Variants in WFS1 observed in about 807,000 individuals in gnomAD.
The protein encoded by WFS1 is wolframin.
WFS1 carries 90 observed loss-of-function variants against 68.5 expected under a neutral mutation model. The observed-to-expected ratio is 1.31, with a 90% CI of 1.11 to 1.56. The LOEUF (loss-of-function observed/expected upper bound fraction) is 1.56, where lower values mean the gene tolerates loss of function less well. Among genes scored for constraint, WFS1 ranks in the 40% most tolerant of loss-of-function variants. The probability of loss-of-function intolerance (pLI) is 0.00; values close to 1 mark genes in which losing one functional copy is unlikely to be tolerated. For synonymous variants in WFS1, 860 were observed against 540.7 expected (o/e 1.59, Z -8.19); for missense variants, 1,767 against 1,232.6 (o/e 1.43, Z -6.49).
In WFS1 at chr4:6,295,144, C is replaced by G; in HGVS notation, c.816C>G (p.Asp272Glu). ...SLFLQDDEDD[D>E]ELAGKSPEDL... ...TCCTGCAGGACGACGAAGATGATGA[C>G]GAGCTGGCGGGGAAGAGCCCTGAGG... Residue 272 changes from aspartate to glutamate, a missense_variant, in exon 7 of 8, where the codon GAC becomes GAG. By Grantham distance (45) the Asp-to-Glu change is conservative (BLOSUM62 2). Transcript: ENST00000226760. The G allele has an allele frequency of 6.2e-7, 1 of 1,612,794 alleles. No homozygotes were observed. Among genetic ancestry groups the G allele is most frequent in the Non-Finnish European group, 8.5e-7 (1 of 1,180,026 alleles).
intron 2 of WFS1, 136 bp downstream of exon 2, chr4:6,277,823 C>T (rs1730044371): frequency 2.8e-6 from 3 of 1,060,154 alleles, no homozygotes; most frequent in Non-Finnish European, 4.2e-6. Flanking sequence ...ATGCTGTGCA[C>T]AGGCGTCCAT....
At position 6,299,352 on chromosome 4, in the gene WFS1, C is replaced by T. The variant is rs115242414; in HGVS notation, c.862-1305C>T. Among the ~76,000 whole-genome samples the T allele has an allele frequency of 2.5e-3, 388 of 152,280 alleles. 2 individuals are homozygous for T. Among genetic ancestry groups the T allele is most frequent in the Non-Finnish European group, 4.6e-3 (310 of 68,024 alleles). The stretch of plus-strand genomic sequence containing the variant: ...TAGCGCTGCATGCAGAGCAGGGGAG[C>T]AGGACCCACAGGTCGGGGGAAGGCA... On this transcript the variant is annotated intron_variant, in intron 7 of 7. Coordinates refer to ENST00000226760, the MANE Select transcript of WFS1 (RefSeq NM_006005.3).
Position 6,302,385 on chromosome 4 carries a change from G to T in WFS1, c.2590G>T (p.Glu864Ter). ...LSPTRRHVKI[E>*]HDWRSTVHGA... ...ACCCACCAGGCGGCACGTGAAGATC[G>T]AGCACGACTGGCGCAGCACCGTGCA... The change falls in exon 8 of 8, where the codon GAG becomes TAG. Residue 864 changes from glutamate to a stop codon, truncating the protein, a stop_gained. Transcript: ENST00000226760. LOFTEE classifies it high-confidence loss of function. 1 of 1,613,000 alleles carries T rather than the reference G, an allele frequency of 6.2e-7. No homozygotes were observed.
intron 1 of WFS1, among the ~76,000 whole-genome samples, chr4:6,276,486 G>C (rs773790583): frequency 2.0e-5 from 3 of 152,156 alleles, no homozygotes; most frequent in African/African-American, 7.2e-5. Flanking sequence ...TTTACTCTCT[G>C]TGTTGGTTTC....
chr4:6,277,709 C>T, intron 2 of WFS1, 22 bp downstream of exon 2: 1 of 1,549,940 alleles, frequency 6.5e-7, no homozygotes, highest in Non-Finnish European at 8.7e-7. Context: ...GGCTGGGAAG[C>T]CCAGGCTGGG....
chr4:6,290,782 G>A (rs1236538813), intron 4 of WFS1, among the ~76,000 whole-genome samples: 2 of 151,128 alleles, frequency 1.3e-5, no homozygotes, highest in African/African-American at 4.8e-5. Flanking sequence ...TAGACACAGG[G>A]GTGGCCCTGC....
chr4:6,294,977 C>T, intron 6 of WFS1, 64 bp from the exon 7 acceptor site: 1 of 1,611,330 alleles, frequency 6.2e-7, no homozygotes. Flanking sequence ...GCCCATTGCT[C>T]TGTGTGAGGG....
intron 2 of WFS1, among the ~76,000 whole-genome samples, chr4:6,284,232 G>A (rs1169373851): frequency 6.6e-6 from 1 of 152,060 alleles, no homozygotes; most frequent in Non-Finnish European, 1.5e-5. Flanking sequence ...ACTTAGCTGG[G>A]CATGGTGGCG....
At chr4:6,273,868 A>T (rs1578582577) in intron 1 of WFS1, among the ~76,000 whole-genome samples, 1 of 152,176 alleles carries the variant, frequency 6.6e-6, no homozygotes, top group South Asian at 2.1e-4. Context: ...GTATTCATCC[A>T]TTCTTACTAA....
rs141477172 is a variant in WFS1, at chr4:6,301,451, C to A, written c.1656C>A (p.Thr552=). ...ELSVVILLES[T]GLGLLRASIG... is the part of the protein sequence containing the mutation. ...CCGTGGTCATCCTGCTGGAGTCCACCGGCCTGGGGCTGCTCCGCGCCTCCA... is the reference window on the plus strand; with the variant it reads ...CCGTGGTCATCCTGCTGGAGTCCACAGGCCTGGGGCTGCTCCGCGCCTCCA... Residue 552 remains threonine, a synonymous_variant, in exon 8 of 8, where the codon ACC becomes ACA. Transcript: ENST00000226760. The A allele has an allele frequency of 5.6e-6, 9 of 1,612,356 alleles. No individual in the cohort carries two copies. The highest frequency in any genetic ancestry group is 7.6e-6 in the Non-Finnish European group (9 of 1,180,030).
chr4:6,272,158 G>A (rs1406247118), intron 1 of WFS1, among the ~76,000 whole-genome samples: 1 of 152,238 alleles, frequency 6.6e-6, no homozygotes, highest in East Asian at 1.9e-4. Flanking sequence ...TGTCTGTTTA[G>A]GTGTTAACCC....
Position 6,299,498 on chromosome 4 carries a change from G to GTGAATGTGTA in WFS1, c.862-1158_862-1157insGAATGTGTAT, listed in dbSNP as rs1560416195. Among the ~76,000 whole-genome samples, 79 of 150,056 alleles carry GTGAATGTGTA rather than the reference G, an allele frequency of 5.3e-4. 2 individuals carry two copies. The highest frequency in any genetic ancestry group is 1.8e-3 in the African/African-American group (72 of 40,266). On this transcript the variant is annotated intron_variant, in intron 7 of 7. Transcript: ENST00000226760. ...TGTGGGGGTGGGTGTGCACGTGTGT[G>GTGAATGTGTA]TAGGGGTGGGTTGCGTGTGTGTGAA...
chr4:6,300,667 A>AC lies in WFS1; in HGVS notation c.877dup (p.Leu293ProfsTer13), dbSNP rs1488006824. The AC allele has an allele frequency of 6.2e-7, 1 of 1,613,602 alleles. No homozygotes were observed. The highest frequency in any genetic ancestry group is 1.3e-5 in the African/African-American group (1 of 74,844). On this transcript the variant is annotated frameshift_variant, in exon 8 of 8. Coordinates refer to ENST00000226760, the MANE Select transcript of WFS1 (RefSeq NM_006005.3). LOFTEE classifies it high-confidence loss of function. ...CCATCTTTCCCCCAGGTGGTCAAGTACCCCCTGCACGCCATCATGGAGATC... is the reference window on the plus strand; with the variant it reads ...CCATCTTTCCCCCAGGTGGTCAAGTACCCCCCTGCACGCCATCATGGAGATC...
At position 6,301,615 on chromosome 4, in the gene WFS1, C is replaced by A; in HGVS notation, c.1820C>A (p.Pro607His). The change falls in exon 8 of 8, where the codon CCC (proline) becomes CAC (histidine). Residue 607 changes from proline to histidine, a missense_variant. Coordinates refer to ENST00000226760, the MANE Select transcript of WFS1 (RefSeq NM_006005.3). ...GTCACCGTGGCGGTCTGTAGTGTGCCCCTGCTGTTGCGCTGGTGGACCAAG... is the reference window on the plus strand; with the variant it reads ...GTCACCGTGGCGGTCTGTAGTGTGCACCTGCTGTTGCGCTGGTGGACCAAG... Reference protein sequence around the residue: ...IAVTVAVCSVPLLLRWWTKAS... With the variant: ...IAVTVAVCSVHLLLRWWTKAS... The A allele has an allele frequency of 6.2e-7, 1 of 1,614,118 alleles. No homozygotes were observed. The highest frequency in any genetic ancestry group is 8.5e-7 in the Non-Finnish European group (1 of 1,180,014).
rs1729984691 is a variant in WFS1, at chr4:6,276,063, G to T, written c.-5-1388G>T. Among the ~76,000 whole-genome samples the T allele has an allele frequency of 2.0e-5, 3 of 152,206 alleles. No homozygotes were observed. The South Asian group carries it at 6.2e-4, about 31-fold the overall frequency. On this transcript the variant is annotated intron_variant, in intron 1 of 7. Coordinates refer to ENST00000226760, the MANE Select transcript of WFS1 (RefSeq NM_006005.3). ...CAGCGCTGCGGCAGCTTGGGGCTGG[G>T]AGCGAGACTCTCTGTTACCAGCCTC...
Position 6,287,054 on chromosome 4 carries a change from G to T in WFS1, c.233-39G>T. 6.5e-7 allele frequency: 1 copy of T among 1,536,564 alleles called. No individual in the cohort carries two copies. The highest frequency in any genetic ancestry group is 2.4e-5 in the East Asian group (1 of 41,042). On this transcript the variant is annotated intron_variant, in intron 2 of 7. Transcript: ENST00000226760. This position sits in a 1 kb window ranked among gnomAD's most constrained non-coding sequence, Gnocchi z 6.4. ...TCCATCCTGACAAGTGACAAAGTCT[G>T]GCTTTGTGACATGTGTGTTTGTTTC...
intron 2 of WFS1, among the ~76,000 whole-genome samples, chr4:6,281,825 C>G (rs1034399288): frequency 6.6e-6 from 1 of 152,210 alleles, no homozygotes; most frequent in African/African-American, 2.4e-5. Flanking sequence ...CATCTGATTG[C>G]TGATGTGCTC....
Position 6,301,434 on chromosome 4 carries a change from A to T in WFS1, c.1639A>T (p.Ile547Phe). The stretch of plus-strand genomic sequence containing the variant: ...CATGTGGTGTGAGCTCTCCGTGGTC[A>T]TCCTGCTGGAGTCCACCGGCCTGGG... ...CFMWCELSVV[I>F]LLESTGLGLL... The change falls in exon 8 of 8, where the codon ATC becomes TTC. Residue 547 changes from isoleucine to phenylalanine, a missense_variant. Transcript: ENST00000226760. 3.1e-6 allele frequency: 5 copies of T among 1,612,486 alleles called. No individual in the cohort carries two copies. The highest frequency in any genetic ancestry group is 4.2e-6 in the Non-Finnish European group (5 of 1,180,026).
At chr4:6,278,769 T>A (rs1730069976) in intron 2 of WFS1, among the ~76,000 whole-genome samples, 1 of 152,178 alleles carries the variant, frequency 6.6e-6, no homozygotes, top group Admixed American at 6.5e-5. Flanking sequence ...TGTCTTTGCA[T>A]CTCCTTAAAA....
Sources: gnomAD v4.1 joint callset for allele counts (sites outside exome capture counted in the v4.1 genomes callset) on GRCh38, gnomAD v4.1.1 for gene constraint, Gnocchi (gnomAD v3.1) non-coding constraint, MANE v1.5 for transcripts, NCBI Gene and HGNC (gene_info 2026-07-23, HGNC 2026-07-21) for gene names.